DEAF1: variants seen among roughly 807,000 people sequenced by gnomAD.
DEAF1 encodes the protein DEAF1 transcription factor.
A neutral mutation model predicts 58.9 loss-of-function variants in DEAF1; 53 were observed. The ratio of observed to expected loss-of-function variants is 0.90; its 90% CI spans 0.72 to 1.13. The LOEUF is 1.13. DEAF1 is among the 50% of genes most tolerant of loss of function. The probability of loss-of-function intolerance (pLI) is 0.00; values close to 1 mark genes in which losing one functional copy is unlikely to be tolerated. For synonymous variants in DEAF1, 385 were observed against 340.4 expected, an observed-to-expected ratio of 1.13 and a Z score of -1.44; for missense variants, 685 against 791.4, an observed-to-expected ratio of 0.87 and a Z score of 1.61.
At position 649,559 on chromosome 11, in the gene DEAF1, A is replaced by C. The variant is rs546208897; in HGVS notation, c.1593+4403T>G. Among the ~76,000 whole-genome samples, 4 of 151,920 alleles carry C rather than the reference A, an allele frequency of 2.6e-5. 1 individual carries two copies. The South Asian group carries it at 8.3e-4, about 32-fold the overall frequency. ...ACATGGTGAAACCCTGTGTCTACTA[A>C]AAGTACAAAAATTAGCCGGGTCTGA... On this transcript the variant is annotated intron_variant, in intron 11 of 11. Transcript: ENST00000382409.
intron 7 of DEAF1, 125 bp from the exon 8 acceptor site, chr11:679,941 A>G (rs972582942): frequency 3.0e-6 from 4 of 1,331,628 alleles, no homozygotes; most frequent in Non-Finnish European, 3.1e-6. Context: ...TGGTAACTGT[A>G]CCCTCCCATG....
intron 10 of DEAF1, among the ~76,000 whole-genome samples, chr11:671,273 T>C (rs540904571): frequency 5.2e-4 from 79 of 151,606 alleles, no homozygotes; most frequent in Admixed American, 7.9e-4. Context: ...CAGACTGGAG[T>C]GCAGTGGCCC....
At chr11:650,729 G>A (rs1390330795) in intron 11 of DEAF1, among the ~76,000 whole-genome samples, 2 of 151,956 alleles carry the variant, frequency 1.3e-5, no homozygotes, top group Non-Finnish European at 2.9e-5. Context: ...AAGCGGGGGT[G>A]GAACACTTGA....
intron 10 of DEAF1, among the ~76,000 whole-genome samples, chr11:655,740 C>T (rs141126771): frequency 6.6e-6 from 1 of 152,262 alleles, no homozygotes; most frequent in Non-Finnish European, 1.5e-5. Context: ...TTCAGAGCTC[C>T]GACATTCAGT....
chr11:694,333 C>T (rs1211856982), intron 1 of DEAF1: 3 of 176,172 alleles, frequency 1.7e-5, no homozygotes, highest in Admixed American at 6.7e-5. Context: ...AGGCTGGTCA[C>T]CTGGGGCAGG....
chr11:679,546 G>A (rs896429990), intron 8 of DEAF1, 142 bp downstream of exon 8: 11 of 1,317,690 alleles, frequency 8.3e-6, no homozygotes, highest in African/African-American at 1.4e-5. Flanking sequence ...TGGCTCACAC[G>A]CTGTCCCCAC....
At chr11:679,188 C>T (rs551430864) in intron 8 of DEAF1, among the ~76,000 whole-genome samples, 15 of 151,890 alleles carry the variant, frequency 9.9e-5, no homozygotes, top group South Asian at 6.2e-4. Context: ...TGGTGGCAGG[C>T]GCTGTAGTCC....
chr11:692,240 G>A, intron 1 of DEAF1: 1 of 167,448 alleles, frequency 6.0e-6, no homozygotes, highest in Non-Finnish European at 1.3e-5. Context: ...TCTGCACACA[G>A]GGCAGTTACC....
chr11:702,942 C>G, intron 1 of DEAF1: 1 of 1,604,208 alleles, frequency 6.2e-7, no homozygotes, highest in Non-Finnish European at 8.5e-7. Context: ...CTCTGTTCTC[C>G]AGGCACCAGG....
intron 1 of DEAF1, chr11:700,767 G>A (rs747874890): frequency 1.4e-6 from 2 of 1,428,560 alleles, no homozygotes; most frequent in Non-Finnish European, 2.0e-6. Flanking sequence ...TGTTTCCACA[G>A]CCTTTCAAGA....
intron 10 of DEAF1, among the ~76,000 whole-genome samples, chr11:662,524 G>A (rs898878849): frequency 2.0e-5 from 3 of 152,194 alleles, no homozygotes; most frequent in East Asian, 3.9e-4. Context: ...GCCGACCTCC[G>A]ACTCCCGCCC....
intron 11 of DEAF1, among the ~76,000 whole-genome samples, chr11:645,160 C>CAAA (rs80108345): frequency 1.4e-4 from 14 of 101,022 alleles, no homozygotes; most frequent in Admixed American, 1.2e-3. Context: ...AACTCCATAT[C>CAAA]AAAAAAAAAA....
At chr11:680,493 C>T (rs1189708361) in intron 7 of DEAF1, among the ~76,000 whole-genome samples, 1 of 152,106 alleles carries the variant, frequency 6.6e-6, no homozygotes, top group Non-Finnish European at 1.5e-5. Flanking sequence ...GCCTGTGGTC[C>T]CAGCTACTTG....
chr11:700,150 AG>A, upstream of DEAF1: 1 of 1,614,078 alleles, frequency 6.2e-7, no homozygotes, highest in Non-Finnish European at 8.5e-7. Context: ...AGCTCTCTTC[AG>A]TTCCCCTTCA....
At chr11:658,498 G>A (rs1859169688) in intron 10 of DEAF1, among the ~76,000 whole-genome samples, 3 of 152,256 alleles carry the variant, frequency 2.0e-5, no homozygotes, top group Non-Finnish European at 1.5e-5. Context: ...GTTAGGACAA[G>A]ACACCGCGTT....
chr11:682,030 G>A (rs552541320), intron 6 of DEAF1, among the ~76,000 whole-genome samples: 3 of 152,320 alleles, frequency 2.0e-5, no homozygotes, highest in East Asian at 1.9e-4. Flanking sequence ...CCTTGCTGCT[G>A]TCAGCTTGTT....
intron 9 of DEAF1, among the ~76,000 whole-genome samples, chr11:677,918 G>A (rs562915081): frequency 1.1e-3 from 173 of 150,580 alleles, no homozygotes; most frequent in Non-Finnish European, 1.7e-3. Context: ...AGCCGAGATC[G>A]CACCACTGCA....
rs560496344 is a variant in DEAF1, at chr11:680,096, A to G, written c.998-280T>C. The G allele has an allele frequency of 6.9e-4, 346 of 498,102 alleles. 5 individuals are homozygous for G. The South Asian group carries it at 7.9e-3, about 11-fold the overall frequency. The allele number at this position is 498,102 out of a possible 1,614,324, so 30.9% of individuals were successfully genotyped here. ...TGTGCTGCCCAGCCAGAAAACAAAC[A>G]TAAAATAAAACTTTCAGTGATTTTT... On this transcript the variant is annotated intron_variant, in intron 7 of 11. Transcript: ENST00000382409.
intron 11 of DEAF1, among the ~76,000 whole-genome samples, chr11:649,845 G>T (rs901075144): frequency 6.6e-5 from 10 of 151,898 alleles, no homozygotes; most frequent in African/African-American, 2.2e-4. Flanking sequence ...TGCCAACACG[G>T]AGAAACCCCA....
Sources: allele counts gnomAD v4.1 joint callset (sites outside exome capture counted in the v4.1 genomes callset), GRCh38; gene constraint gnomAD v4.1.1; transcripts MANE v1.5; gene names NCBI Gene and HGNC (gene_info 2026-07-23, HGNC 2026-07-21).